The following CEMIP variants were observed in gnomAD, a reference collection of about 807,000 sequenced individuals.
CEMIP encodes cell migration inducing hyaluronidase 1.
In CEMIP, 105 loss-of-function variants were observed where a neutral mutation model predicts 156.9. The ratio of observed to expected loss-of-function variants is 0.67; its 90% CI spans 0.57 to 0.79. CEMIP has a LOEUF of 0.79. Ranked by LOEUF, CEMIP falls within the 30% of genes least tolerant of loss-of-function variation. CEMIP has a pLI of 0.00. For synonymous variants in CEMIP, 676 were observed against 668.4 expected (o/e 1.01, Z -0.17); for missense variants, 1,457 against 1,769.4 (o/e 0.82, Z 3.17).
intron 1 of CEMIP, among the ~76,000 whole-genome samples, chr15:80,861,760 C>G (rs927099676): frequency 6.6e-6 from 1 of 152,228 alleles, no homozygotes; most frequent in Admixed American, 6.5e-5. Context: ...TTTCAGTTAA[C>G]AAATACAACT....
intron 28 of CEMIP, among the ~76,000 whole-genome samples, chr15:80,945,229 G>A (rs1023562266): frequency 6.6e-6 from 1 of 152,192 alleles, no homozygotes; most frequent in Non-Finnish European, 1.5e-5. Flanking sequence ...CATGAGGATG[G>A]CACACCAGGC....
Position 80,895,796 on chromosome 15 carries a change from G to A in CEMIP, c.1220-73G>A, listed in dbSNP as rs75139019. 5.3e-3 allele frequency: 7,524 copies of A among 1,410,584 alleles called. 26 individuals carry two copies. Among genetic ancestry groups the A allele is most frequent in the Non-Finnish European group, 6.5e-3 (6,501 of 998,658 alleles). The allele number at this position is 1,410,584 out of a possible 1,614,324, so 87.4% of individuals were successfully genotyped here. On this transcript the variant is annotated intron_variant, in intron 11 of 29. Coordinates refer to ENST00000394685, the MANE Select transcript of CEMIP (RefSeq NM_001293298.2). ...CATTTAGTTATTTAGGGAGGGGAAG[G>A]GAAAAAAGAGGTAGCCAAAAGTTTG... is the stretch of plus-strand genomic sequence containing the variant.
chr15:80,798,167 A>G (rs1406118962), intron 1 of CEMIP, among the ~76,000 whole-genome samples: 1 of 152,202 alleles, frequency 6.6e-6, no homozygotes, highest in African/African-American at 2.4e-5. Context: ...AAAACCCATA[A>G]TCCTACTACT....
chr15:80,812,652 A>T (rs1293805845), intron 1 of CEMIP, among the ~76,000 whole-genome samples: 1 of 152,324 alleles, frequency 6.6e-6, no homozygotes, highest in East Asian at 1.9e-4. Context: ...ACATTGGAAG[A>T]ATTCTCATAT....
At chr15:80,896,316 CATTCTTCCCAAAACAT>C (rs1899221462) in intron 12 of CEMIP, 1 of 642,112 alleles carries the variant, frequency 1.6e-6, no homozygotes, top group Non-Finnish European at 2.9e-6. Context: ...ATATGACTCC[CATTCTTCCCAAAACAT>C]ATTCTTCTCA....
At chr15:80,855,452 C>T (rs1017668194) in intron 1 of CEMIP, among the ~76,000 whole-genome samples, 5 of 152,078 alleles carry the variant, frequency 3.3e-5, no homozygotes, top group African/African-American at 1.2e-4. Context: ...CAGTGGCAAA[C>T]ACAGCTCGTT....
intron 1 of CEMIP, among the ~76,000 whole-genome samples, chr15:80,824,322 G>A (rs139029857): frequency 4.4e-4 from 67 of 152,322 alleles, no homozygotes; most frequent in African/African-American, 1.6e-3. Context: ...ACCCACTAGT[G>A]CCACCTGCTC....
At position 80,881,142 on chromosome 15, in the gene CEMIP, G is replaced by T. The variant is rs182850909; in HGVS notation, c.617+6G>T. The stretch of plus-strand genomic sequence containing the variant: ...ACAGTCATCCATTCTGACCGGTAAG[G>T]TTTGCCTTCACTTAAACGTATACTC... On this transcript the variant is annotated splice_donor_region_variant and intron_variant, in intron 6 of 29. Transcript: ENST00000394685. 18 of 1,612,162 alleles carry T rather than the reference G, an allele frequency of 1.1e-5. No individual in the cohort carries two copies. Among genetic ancestry groups the T allele is most frequent in the Non-Finnish European group, 1.4e-5 (17 of 1,178,332 alleles).
intron 1 of CEMIP, among the ~76,000 whole-genome samples, chr15:80,857,309 T>C (rs1465554199): frequency 6.6e-6 from 1 of 152,188 alleles, no homozygotes; most frequent in African/African-American, 2.4e-5. Flanking sequence ...TGCCAACAAA[T>C]TGGCCTCTTG....
chr15:80,924,543 G>A (rs1472669790), intron 17 of CEMIP, 78 bp from the exon 18 acceptor site: 19 of 1,227,092 alleles, frequency 1.5e-5, no homozygotes, highest in African/African-American at 1.5e-5. Flanking sequence ...TCAGAAGTAT[G>A]CAGTGAGGCT....
chr15:80,887,217 A>G (rs1336531154), intron 7 of CEMIP, among the ~76,000 whole-genome samples: 1 of 152,110 alleles, frequency 6.6e-6, no homozygotes, highest in Non-Finnish European at 1.5e-5. Context: ...TCCACGGCCC[A>G]AGGCAGATGG....
Position 80,948,947 on chromosome 15 carries a change from C to T in CEMIP, c.*23C>T, listed in dbSNP as rs1567115733. ...TGAGGACAGCTGCCGCCCGGTGCCA[C>T]CTCGTGGTAGACTATGACGGTGACT... On this transcript the variant is annotated 3_prime_UTR_variant, in exon 30 of 30. Coordinates refer to ENST00000394685, the MANE Select transcript of CEMIP (RefSeq NM_001293298.2). The T allele has an allele frequency of 6.2e-7, 1 of 1,614,112 alleles. No homozygotes were observed. The highest frequency in any genetic ancestry group is 8.5e-7 in the Non-Finnish European group (1 of 1,179,956).
intron 1 of CEMIP, among the ~76,000 whole-genome samples, chr15:80,837,475 A>T (rs1162678259): frequency 6.6e-6 from 1 of 152,150 alleles, no homozygotes; most frequent in Non-Finnish European, 1.5e-5. Flanking sequence ...GTCTGTCCTC[A>T]CAACACCCTT....
At chr15:80,900,926 T>C (rs1190334192) in intron 12 of CEMIP, 2 of 455,534 alleles carry the variant, frequency 4.4e-6, no homozygotes, top group Non-Finnish European at 8.8e-6. Context: ...GCTCCCAGAT[T>C]TCATTCTACA....
Position 80,936,875 on chromosome 15 carries a change from A to C in CEMIP, c.3211A>C (p.Asn1071His). The C allele has an allele frequency of 6.2e-7, 1 of 1,614,112 alleles. No individual in the cohort carries two copies. Among genetic ancestry groups the C allele is most frequent in the East Asian group, 2.2e-5 (1 of 44,884 alleles). ...APAELAIWLI[N>H]FNKGDWIRVG... ...CGCCGAACTCGCCATCTGGCTCATCAACTTCAACAAGTGAGTGGGTGTCCA... is the reference window on the plus strand; with the variant it reads ...CGCCGAACTCGCCATCTGGCTCATCCACTTCAACAAGTGAGTGGGTGTCCA... The change falls in exon 24 of 30, where the codon AAC becomes CAC. Residue 1071 changes from asparagine to histidine, a missense_variant. By Grantham distance (68) the Asn-to-His change is moderately conservative. Around this residue, in one of 5 missense-constraint regions of CEMIP, gnomAD observed 798 missense variants for 980.1 expected, o/e 0.81. Coordinates refer to ENST00000394685, the MANE Select transcript of CEMIP (RefSeq NM_001293298.2).
rs1266221638 is a variant in CEMIP at position 80,779,488 on chromosome 15, A to G, written c.-302A>G. The G allele has an allele frequency of 1.3e-5, 2 of 152,084 alleles. No individual in the cohort carries two copies. Among genetic ancestry groups the G allele is most frequent in the Non-Finnish European group, 2.9e-5 (2 of 68,036 alleles). 9.4% of individuals were successfully genotyped at this position (152,084 alleles called of 1,614,324 possible). A position where few individuals can be genotyped will look rare whatever the true frequency, so the allele number is the denominator to read the frequency against. On this transcript the variant is annotated 5_prime_UTR_variant, in exon 1 of 30. Coordinates refer to ENST00000394685, the MANE Select transcript of CEMIP (RefSeq NM_001293298.2). The stretch of plus-strand genomic sequence containing the variant: ...CAGGGTCTGAACCCAGATTTCCCAG[A>G]CTAGCTACCACTCCGCTTGCCCACG...
chr15:80,871,239 C>T (rs149570288), intron 1 of CEMIP, among the ~76,000 whole-genome samples: 4 of 152,322 alleles, frequency 2.6e-5, no homozygotes, highest in South Asian at 2.1e-4. Flanking sequence ...CAAGAAGGCA[C>T]GGATGACCCC....
At chr15:80,890,549 TG>T (rs2141848117) in intron 10 of CEMIP, among the ~76,000 whole-genome samples, 2 of 150,484 alleles carry the variant, frequency 1.3e-5, no homozygotes, top group South Asian at 4.2e-4. Flanking sequence ...ATCGCACCAC[TG>T]TACTCCAGCC....
chr15:80,947,513 T>TA (rs1413323438), intron 29 of CEMIP: 7 of 169,228 alleles, frequency 4.1e-5, no homozygotes, highest in Non-Finnish European at 7.7e-5. Flanking sequence ...TCCAGAAAAC[T>TA]AAAGCCCAGA....
Sources: gnomAD v4.1 joint callset for allele counts (sites outside exome capture counted in the v4.1 genomes callset) on GRCh38, gnomAD v4.1.1 for gene constraint, gnomAD v4.1.1 regional missense constraint, MANE v1.5 for transcripts, NCBI Gene and HGNC (gene_info 2026-07-23, HGNC 2026-07-21) for gene names.